Variants in IGF2R observed in about 807,000 individuals in gnomAD.
The protein encoded by IGF2R is cation-independent mannose-6-phosphate receptor.
A neutral mutation model predicts 270.6 loss-of-function variants in IGF2R; 91 were observed. The ratio of observed to expected loss-of-function variants is 0.34; its 90% CI spans 0.28 to 0.40. IGF2R has a LOEUF of 0.40. Among genes scored for constraint, IGF2R ranks in the 10% least tolerant of loss-of-function variants. IGF2R has a pLI of 1.00. For synonymous variants in IGF2R, 1,316 were observed against 1,258.9 expected (o/e 1.05, Z -0.96); for missense variants, 2,805 against 3,188.3 (o/e 0.88, Z 2.90).
Position 160,047,854 on chromosome 6 carries a change from C to G in IGF2R, c.2292C>G (p.Pro764=). Residue 764 remains proline (P), a synonymous_variant, in exon 17 of 48, where the codon CCC becomes CCG. Transcript: ENST00000356956. ...CCAGCTATGCCTGCCCGGAGGAGCC[C>G]CTGGAATGCGTAGTGACCGACCCCT... ...WYTSYACPEE[P]LECVVTDPST... 6.2e-7 allele frequency: 1 copy of G among 1,614,180 alleles called. No individual in the cohort carries two copies. Among genetic ancestry groups the G allele is most frequent in the Non-Finnish European group, 8.5e-7 (1 of 1,180,002 alleles).
At chr6:159,982,498 C>T (rs1420986984) in intron 1 of IGF2R, among the ~76,000 whole-genome samples, 1 of 152,214 alleles carries the variant, frequency 6.6e-6, no homozygotes, top group Non-Finnish European at 1.5e-5. Flanking sequence ...AAACATTTCT[C>T]TAGCTAGTGA....
intron 1 of IGF2R, among the ~76,000 whole-genome samples, chr6:159,984,472 A>G (rs1445064780): frequency 6.6e-6 from 1 of 152,192 alleles, no homozygotes; most frequent in Non-Finnish European, 1.5e-5. Flanking sequence ...GGCTCCATTC[A>G]TTATAAGTGC....
At chr6:160,049,506 A>G (rs1352477131) in intron 18 of IGF2R, among the ~76,000 whole-genome samples, 1 of 152,196 alleles carries the variant, frequency 6.6e-6, no homozygotes, top group Non-Finnish European at 1.5e-5. Flanking sequence ...CAAAAGCTCC[A>G]GCCCTGGGGC....
chr6:160,048,188 A>G (rs1778112596), intron 17 of IGF2R, among the ~76,000 whole-genome samples, 187 bp from the exon 18 acceptor site: 1 of 152,274 alleles, frequency 6.6e-6, no homozygotes, highest in Admixed American at 6.5e-5. Context: ...GGTCCACTGC[A>G]TACTGAGTTC....
At position 160,027,283 on chromosome 6, in the gene IGF2R, C is replaced by T. The variant is rs150809922; in HGVS notation, c.745C>T (p.Arg249Trp). 9.3e-4 allele frequency: 1,501 copies of T among 1,613,886 alleles called. 11 individuals are homozygous for T. The African/African-American group carries it at 0.017, about 18-fold the overall frequency. ...CCAGGCGTTTGATGTTGGCCAGCCC[C>T]GGGACGGACTGAAGCTGGTGCGCAA... is the stretch of plus-strand genomic sequence containing the variant. Reference protein sequence around the residue: ...GHQAFDVGQPRDGLKLVRKDR... With the variant: ...GHQAFDVGQPWDGLKLVRKDR... Residue 249 changes from arginine (R) to tryptophan (W), a missense_variant, in exon 6 of 48, where the codon CGG becomes TGG. Arg to Trp is a moderately radical substitution (Grantham distance 101). Coordinates refer to ENST00000356956, the MANE Select transcript of IGF2R (RefSeq NM_000876.4).
At chr6:160,092,034 C>G (rs930263916) in intron 44 of IGF2R, among the ~76,000 whole-genome samples, 7 of 152,248 alleles carry the variant, frequency 4.6e-5, no homozygotes, top group African/African-American at 1.7e-4. Flanking sequence ...TCCAAACCTA[C>G]TTCTAGTGCC....
chr6:160,101,860 TG>T (rs1466370894), intron 45 of IGF2R, among the ~76,000 whole-genome samples: 4 of 152,172 alleles, frequency 2.6e-5, no homozygotes, highest in Non-Finnish European at 4.4e-5. Context: ...TTCCCACAAG[TG>T]TGCATGTGGG....
At position 160,102,374 on chromosome 6, in the gene IGF2R, G is replaced by A; in HGVS notation, c.6843-145G>A. The A allele has an allele frequency of 2.3e-6, 2 of 879,802 alleles. No homozygotes were observed. The highest frequency in any genetic ancestry group is 3.3e-5 in the South Asian group (2 of 59,872). 54.5% of individuals were successfully genotyped at this position (879,802 alleles called of 1,614,324 possible). A position where few individuals can be genotyped will look rare whatever the true frequency, so the allele number is the denominator to read the frequency against. ...CTCTTCCATGTGGAGTGGGACTTGTGGCCTTGTTTTCTGGGCAGGAGTAAG... is the reference window on the plus strand; with the variant it reads ...CTCTTCCATGTGGAGTGGGACTTGTAGCCTTGTTTTCTGGGCAGGAGTAAG... On this transcript the variant is annotated intron_variant, in intron 45 of 47. Transcript: ENST00000356956. The surrounding 1 kb of genome is among the most constrained non-coding windows in gnomAD (Gnocchi z 4.5).
chr6:159,988,429 C>T (rs982419478), intron 1 of IGF2R, among the ~76,000 whole-genome samples: 2 of 142,742 alleles, frequency 1.4e-5, no homozygotes, highest in Non-Finnish European at 3.0e-5. Flanking sequence ...AGGAGAATGG[C>T]GTGAACCCGG....
chr6:160,096,660 C>G (rs746601398), intron 45 of IGF2R, 35 bp downstream of exon 45: 2 of 1,499,976 alleles, frequency 1.3e-6, no homozygotes, highest in Non-Finnish European at 1.8e-6. Flanking sequence ...GCACTTGTAC[C>G]CCACATCTTC....
At chr6:160,082,695 A>C (rs904748611) in intron 39 of IGF2R, among the ~76,000 whole-genome samples, 1 of 152,326 alleles carries the variant, frequency 6.6e-6, no homozygotes, top group Middle Eastern at 3.4e-3. Context: ...GGGGTTATTA[A>C]GAAGTACGAT....
intron 39 of IGF2R, among the ~76,000 whole-genome samples, chr6:160,081,412 A>G (rs1386588684): frequency 1.3e-5 from 2 of 152,202 alleles, no homozygotes; most frequent in Admixed American, 6.5e-5. Flanking sequence ...TGGAGATCAC[A>G]TGCTTCAAGG....
rs614754 is a variant in IGF2R at position 160,084,167 on chromosome 6, C to G, written c.6051C>G (p.Leu2017=). The change falls in exon 40 of 48, where the codon CTC becomes CTG. Residue 2017 remains leucine (L), a synonymous_variant. Coordinates refer to ENST00000356956, the MANE Select transcript of IGF2R (RefSeq NM_000876.4). The surrounding 1 kb of genome is among the most constrained non-coding windows in gnomAD (Gnocchi z 4.6). ...LLSSLTGSWS[L]VHNGVSYYIN... is the part of the protein sequence containing the mutation. ...CCTCTCTCACCGGGTCCTGGTCCCTCGTCCACAACGGAGTCTCGTGAGTGC... is the reference window on the plus strand; with the variant it reads ...CCTCTCTCACCGGGTCCTGGTCCCTGGTCCACAACGGAGTCTCGTGAGTGC... 1,591,956 of 1,613,310 alleles carry G rather than the reference C, an allele frequency of 0.99. 785,500 individuals carry two copies. Among genetic ancestry groups the G allele is most frequent in the East Asian group, 1 (44,859 of 44,860 alleles).
intron 2 of IGF2R, among the ~76,000 whole-genome samples, chr6:160,002,295 G>A (rs1784142220): frequency 6.6e-6 from 1 of 152,204 alleles, no homozygotes; most frequent in Admixed American, 6.5e-5. Context: ...GGAGGCTGAG[G>A]CAGGAGGATT....
chr6:160,053,904 T>TG (rs943183953), intron 19 of IGF2R, among the ~76,000 whole-genome samples: 140 of 152,114 alleles, frequency 9.2e-4, no homozygotes, highest in African/African-American at 3.1e-3. Flanking sequence ...TTTGAAGAGA[T>TG]GGGGGGTCTG....
rs1231902082 is a variant in IGF2R, at chr6:160,050,664, C to T, written c.2694+12C>T. ...CCAGGGGCAGGCTGGTAAGGCACTG[C>T]TGCTGGCTGGTGACCTTCACTGCTG... On this transcript the variant is annotated intron_variant, in intron 19 of 47. Transcript: ENST00000356956. The surrounding 1 kb of genome is among the most constrained non-coding windows in gnomAD (Gnocchi z 4.0). 6.3e-7 allele frequency: 1 copy of T among 1,588,548 alleles called. No homozygotes were observed. Among genetic ancestry groups the T allele is most frequent in the Admixed American group, 1.7e-5 (1 of 58,370 alleles).
intron 36 of IGF2R, among the ~76,000 whole-genome samples, chr6:160,077,394 A>G (rs915165426): frequency 2.0e-5 from 3 of 152,216 alleles, no homozygotes; most frequent in Non-Finnish European, 4.4e-5. Flanking sequence ...CCACCTCATC[A>G]TGAGTGATGC....
At chr6:160,048,649 C>G in intron 18 of IGF2R, 106 bp downstream of exon 18, 4 of 1,137,826 alleles carry the variant, frequency 3.5e-6, no homozygotes, top group Non-Finnish European at 5.0e-6. Context: ...CACAGCTGCT[C>G]GAGAGAAACC....
chr6:159,983,839 G>A (rs755923723), intron 1 of IGF2R, among the ~76,000 whole-genome samples: 1 of 152,228 alleles, frequency 6.6e-6, no homozygotes, highest in Non-Finnish European at 1.5e-5. Context: ...AGCAAGGACA[G>A]TGCAGCCAGT....
Sources: allele counts gnomAD v4.1 joint callset (sites outside exome capture counted in the v4.1 genomes callset), GRCh38; gene constraint gnomAD v4.1.1; non-coding constraint Gnocchi (gnomAD v3.1); transcripts MANE v1.5; gene names NCBI Gene and HGNC (gene_info 2026-07-23, HGNC 2026-07-21).